SLC25A22: variants seen among roughly 807,000 people sequenced by gnomAD.
SLC25A22 encodes the protein solute carrier family 25 member 22.
A neutral mutation model predicts 33.7 loss-of-function variants in SLC25A22; 23 were observed. The observed-to-expected ratio is 0.68, with a 90% CI of 0.49 to 0.97. The LOEUF is 0.97. Ranked by LOEUF, SLC25A22 falls within the 50% of genes least tolerant of loss-of-function variation. The pLI, the probability that SLC25A22 is intolerant of heterozygous loss-of-function variation, is 0.00. For synonymous variants in SLC25A22, 245 were observed against 203.8 expected (o/e 1.20, Z -1.72); for missense variants, 390 against 451.1 (o/e 0.86, Z 1.23).
intron 4 of SLC25A22, 61 bp from the exon 5 acceptor site, chr11:793,680 G>T: frequency 8.7e-7 from 1 of 1,150,390 alleles, no homozygotes; most frequent in Non-Finnish European, 1.3e-6. Flanking sequence ...GAGGCGCTTG[G>T]CCAGGACTTG....
chr11:795,405 T>C (rs1405193800), intron 1 of SLC25A22: 2 of 299,524 alleles, frequency 6.7e-6, no homozygotes, highest in Non-Finnish European at 1.2e-5. Flanking sequence ...CCAGCCAGCC[T>C]CACACGCCGC....
In SLC25A22 at chr11:794,444, G is replaced by A. The variant is rs587781168; in HGVS notation, c.202+14C>T. The stretch of plus-strand genomic sequence containing the variant: ...AGGCCTGCCCATATCGAGCCCAGCC[G>A]AGCCAAACCTCACCCCGGTACATGC... On this transcript the variant is annotated intron_variant, in intron 4 of 9. Transcript: ENST00000628067. 2.0e-5 allele frequency: 32 copies of A among 1,612,040 alleles called. No homozygotes were observed. Among genetic ancestry groups the A allele is most frequent in the Admixed American group, 1.7e-4 (10 of 59,920 alleles).
chr11:791,884 C>T lies in SLC25A22; in HGVS notation c.*31G>A. 6.4e-7 allele frequency: 1 copy of T among 1,569,616 alleles called. No homozygotes were observed. The highest frequency in any genetic ancestry group is 1.1e-5 in the South Asian group (1 of 87,114). On this transcript the variant is annotated 3_prime_UTR_variant, in exon 10 of 10. Transcript: ENST00000628067. Reference sequence around the variant, plus strand: ...GGCTCCAGCCCCACACCGGCCCTGCCCAGCTGGCTGGGGTGGAGCGGGTGC... The same window carrying T: ...GGCTCCAGCCCCACACCGGCCCTGCTCAGCTGGCTGGGGTGGAGCGGGTGC...
intron 5 of SLC25A22, 23 bp from the exon 6 acceptor site, chr11:793,011 G>A (rs1232638713): frequency 6.2e-7 from 1 of 1,608,678 alleles, no homozygotes; most frequent in African/African-American, 1.3e-5. Flanking sequence ...CGGGGCCGCA[G>A]TAAGTGGGAA....
At position 798,245 on chromosome 11, in the gene SLC25A22, T is replaced by A. The variant is rs958071324; in HGVS notation, c.-192A>T. ...GCTCGCCGCCGCCGCCGCGCTCGCCTGCCCGCCCCGCGCTCGGCCAGCACC... is the reference window on the plus strand; with the variant it reads ...GCTCGCCGCCGCCGCCGCGCTCGCCAGCCCGCCCCGCGCTCGGCCAGCACC... On this transcript the variant is annotated 5_prime_UTR_variant, in exon 1 of 10. Coordinates refer to ENST00000628067, the MANE Select transcript of SLC25A22 (RefSeq NM_001191061.2). The A allele has an allele frequency of 2.6e-6, 1 of 391,374 alleles. No homozygotes were observed. The highest frequency in any genetic ancestry group is 4.5e-6 in the Non-Finnish European group (1 of 221,616). The allele number at this position is 391,374 out of a possible 1,614,324, so 24.2% of individuals were successfully genotyped here. A position where few individuals can be genotyped will look rare whatever the true frequency, so the allele number is the denominator to read the frequency against.
intron 3 of SLC25A22, 81 bp downstream of exon 3, chr11:794,695 T>C (rs1590122093): frequency 1.3e-6 from 2 of 1,548,392 alleles, no homozygotes; most frequent in African/African-American, 2.7e-5. Context: ...TCAAACAGGG[T>C]GGGGGGCACA....
chr11:792,975 G>A lies in SLC25A22; in HGVS notation c.307C>T (p.Leu103=). 6.2e-7 allele frequency: 1 copy of A among 1,613,428 alleles called. No homozygotes were observed. The highest frequency in any genetic ancestry group is 1.7e-5 in the Admixed American group (1 of 60,028). The change falls in exon 6 of 10, where the codon CTG becomes TTG. Residue 103 remains leucine, a synonymous_variant. Coordinates refer to ENST00000628067, the MANE Select transcript of SLC25A22 (RefSeq NM_001191061.2). The part of the protein sequence containing the change: ...QLSKDGQKLT[L]LKEMLAGCGA... Reference sequence around the variant, plus strand: ...CAGCCCGCCAGCATCTCTTTAAGCAGGGTCAGCTTCTGCCTGTGGTAGGGG... The same window carrying A: ...CAGCCCGCCAGCATCTCTTTAAGCAAGGTCAGCTTCTGCCTGTGGTAGGGG...
intron 5 of SLC25A22, among the ~76,000 whole-genome samples, chr11:793,247 G>A (rs1280784453): frequency 6.6e-6 from 1 of 152,208 alleles, no homozygotes; most frequent in Admixed American, 6.5e-5. Flanking sequence ...TGGGGGTCAA[G>A]TGCCCCAAAA....
chr11:795,321 C>CA, intron 1 of SLC25A22, 152 bp from the exon 2 acceptor site: 1 of 537,078 alleles, frequency 1.9e-6, no homozygotes, highest in Non-Finnish European at 3.4e-6. Context: ...AGGCACCTGC[C>CA]ACCCAGTCCC....
At chr11:798,163 C>G (rs945910938) in intron 1 of SLC25A22, 54 bp downstream of exon 1, 1 of 397,890 alleles carries the variant, frequency 2.5e-6, no homozygotes, top group Non-Finnish European at 4.4e-6. Context: ...GCCCCCGCAG[C>G]CCGGCCGCGT....
intron 5 of SLC25A22, 47 bp from the exon 6 acceptor site, chr11:793,035 C>T: frequency 6.3e-7 from 1 of 1,576,040 alleles, no homozygotes; most frequent in Non-Finnish European, 8.7e-7. Flanking sequence ...ACAGGTCTAC[C>T]TGCCACCCTC....
intron 1 of SLC25A22, chr11:796,351 C>G (rs956042315): frequency 6.6e-6 from 1 of 152,110 alleles, no homozygotes; most frequent in African/African-American, 2.4e-5. Flanking sequence ...TTTGGGCAAG[C>G]AGAGGCTTCC....
At chr11:792,807 C>G (rs942506973) in intron 6 of SLC25A22, 63 bp downstream of exon 6, 2 of 1,552,758 alleles carry the variant, frequency 1.3e-6, no homozygotes, top group African/African-American at 2.7e-5. Context: ...GCGTCCCCAC[C>G]CTCCCCTCGC....
chr11:796,656 G>A (rs1216183111), intron 1 of SLC25A22, among the ~76,000 whole-genome samples: 1 of 152,234 alleles, frequency 6.6e-6, no homozygotes, highest in Non-Finnish European at 1.5e-5. Context: ...TCTGTGGGAT[G>A]TGTGTCTGCT....
At chr11:794,595 G>T (rs778280344) in intron 3 of SLC25A22, 82 bp from the exon 4 acceptor site, 1 of 1,564,268 alleles carries the variant, frequency 6.4e-7, no homozygotes, top group Non-Finnish European at 8.7e-7. Context: ...AGGGCTGATA[G>T]AAGAGGCCAA....
chr11:793,711 T>C (rs2133707293), intron 4 of SLC25A22, 92 bp from the exon 5 acceptor site: 1 of 879,078 alleles, frequency 1.1e-6, no homozygotes, highest in East Asian at 2.5e-5. Flanking sequence ...GGCAAAACCC[T>C]GTCCCAGTCA....
chr11:792,112 C>G, intron 9 of SLC25A22, 30 bp downstream of exon 9: 9 of 1,607,410 alleles, frequency 5.6e-6, no homozygotes, highest in Non-Finnish European at 7.6e-6. Flanking sequence ...CGCAGGCCCC[C>G]AGGCCCCACC....
intron 1 of SLC25A22, 30 bp downstream of exon 1, chr11:798,187 G>A: frequency 2.5e-6 from 1 of 397,672 alleles, no homozygotes. Context: ...GATGGGCGCA[G>A]CAGAAGGGAG....
At chr11:797,854 C>T (rs890789624) in intron 1 of SLC25A22, 3 of 398,670 alleles carry the variant, frequency 7.5e-6, no homozygotes, top group Non-Finnish European at 1.3e-5. Context: ...GCCGACCGCT[C>T]CGTCCTCCGC....
Sources: allele counts gnomAD v4.1 joint callset (sites outside exome capture counted in the v4.1 genomes callset), GRCh38; gene constraint gnomAD v4.1.1; transcripts MANE v1.5; gene names NCBI Gene and HGNC (gene_info 2026-07-23, HGNC 2026-07-21).